The following POLR2F variants were observed in gnomAD, a reference collection of about 807,000 sequenced individuals.
The protein encoded by POLR2F is RNA polymerase II, I and III subunit F.
In POLR2F, 12 loss-of-function variants were observed where a neutral mutation model predicts 22.7. The observed-to-expected ratio is 0.53, with a 90% CI of 0.34 to 0.86. The LOEUF (loss-of-function observed/expected upper bound fraction) is 0.86, where lower values mean the gene tolerates loss of function less well. Among genes scored for constraint, POLR2F ranks in the 40% least tolerant of loss-of-function variants. The pLI is 0.02. For missense variants in POLR2F, 126 were observed against 171.5 expected (o/e 0.73, Z 1.48); for synonymous variants, 57 against 66.0 (o/e 0.86, Z 0.66).
chr22:38,008,460 G>A (rs1255872510), intron 1 of POLR2F, among the ~76,000 whole-genome samples: 2 of 151,458 alleles, frequency 1.3e-5, no homozygotes, highest in East Asian at 1.9e-4. Flanking sequence ...CAGGAGAATC[G>A]CTTGAACCTG....
In POLR2F at chr22:37,968,997, C is replaced by T. The variant is rs572488829; in HGVS notation, c.*1282C>T. ...TGCTGAAATTTCAGCTCTGAAATGC[C>T]GCCTTTGTGCTGGCATCCAGGCAGC... On this transcript the variant is annotated 3_prime_UTR_variant, in exon 5 of 5. Coordinates refer to ENST00000442738, the MANE Select transcript of POLR2F (RefSeq NM_021974.5). 1.0e-5 allele frequency: 10 copies of T among 985,476 alleles called. No individual in the cohort carries two copies. In the African/African-American group the frequency reaches 1.4e-4, roughly 14 times the overall value. 61.0% of individuals were successfully genotyped at this position (985,476 alleles called of 1,614,324 possible).
At chr22:38,002,131 C>T (rs57246004) in intron 1 of POLR2F, among the ~76,000 whole-genome samples, 3,795 of 151,356 alleles carry the variant, frequency 0.025, 158 homozygotes, top group African/African-American at 0.087. Context: ...ATTACATGCG[C>T]GAGCCAGCAC....
At chr22:38,020,988 G>C (rs1443990408) in intron 1 of POLR2F, among the ~76,000 whole-genome samples, 9 of 152,182 alleles carry the variant, frequency 5.9e-5, no homozygotes, top group Non-Finnish European at 2.9e-5. Context: ...GCTCTTTTGC[G>C]GTTACTCCTG....
rs149525801 is a variant in POLR2F at position 38,001,412 on chromosome 22, A to C, written c.120+15100A>C. On this transcript the variant is annotated intron_variant, in intron 1 of 2. Transcript: ENST00000333418. ...GTGAGTTGCATCATATTAGATTCAG[A>C]GAGATTAAAGATAGATTTTTAGGGG... Among the ~76,000 whole-genome samples the C allele has an allele frequency of 5.4e-4, 83 of 152,354 alleles. No individual in the cohort carries two copies. The East Asian group carries it at 0.015, about 27-fold the overall frequency.
At chr22:37,959,792 G>T (rs1328098351) in intron 3 of POLR2F, among the ~76,000 whole-genome samples, 2 of 149,374 alleles carry the variant, frequency 1.3e-5, no homozygotes, top group African/African-American at 4.9e-5. Context: ...GAGCCAATGT[G>T]TACCAGTGTA....
intron 1 of POLR2F, among the ~76,000 whole-genome samples, chr22:38,011,916 T>C (rs895715521): frequency 6.6e-6 from 1 of 152,066 alleles, no homozygotes; most frequent in Non-Finnish European, 1.5e-5. Context: ...GCTCTGCATT[T>C]AGTTATGTCT....
At chr22:38,018,752 C>G (rs2084935155) in intron 1 of POLR2F, among the ~76,000 whole-genome samples, 1 of 152,154 alleles carries the variant, frequency 6.6e-6, no homozygotes, top group South Asian at 2.1e-4. Flanking sequence ...CAGGCAGCAC[C>G]AGGATGTGCT....
rs1374620008 is a variant in POLR2F at position 37,986,889 on chromosome 22, G to T, written c.120+577G>T. The T allele has an allele frequency of 4.4e-6, 2 of 451,290 alleles. No individual in the cohort carries two copies. The highest frequency in any genetic ancestry group is 9.0e-6 in the Non-Finnish European group (2 of 223,042). The allele number at this position is 451,290 out of a possible 1,614,324, so 28.0% of individuals were successfully genotyped here. On this transcript the variant is annotated intron_variant, in intron 1 of 2. Transcript: ENST00000333418. The surrounding 1 kb of genome is among the most constrained non-coding windows in gnomAD (Gnocchi z 4.7). ...CCCATAGTCATTCCTGAAGAGCAGG[G>T]AGCTTGGAGAGGGGAGGGATCCTGG...
chr22:38,018,241 C>G (rs761933773), intron 1 of POLR2F, among the ~76,000 whole-genome samples: 3 of 152,116 alleles, frequency 2.0e-5, no homozygotes, highest in Non-Finnish European at 4.4e-5. Flanking sequence ...TAGGCTTGAG[C>G]CAGGTTAAGG....
rs779836065 is a variant in POLR2F, at chr22:37,977,997, C to G, written c.293+10827C>G. 3 of 1,611,894 alleles carry G rather than the reference C, an allele frequency of 1.9e-6. No individual in the cohort carries two copies. In the South Asian group the frequency reaches 3.3e-5, roughly 18 times the overall value. On this transcript the variant is annotated intron_variant, in intron 4 of 4. Coordinates refer to the POLR2F transcript ENST00000405557. ...CTTGCTCGGCCTCCCCACCGGGGCA[C>G]TCCGCCTCGCCCTGGGCGGCCTTCC...
chr22:38,026,750 G>A, downstream of POLR2F: 1 of 185,228 alleles, frequency 5.4e-6, no homozygotes, highest in Non-Finnish European at 1.1e-5. Context: ...CAGGCTGCTG[G>A]GGAGGGGACG....
rs890693179 is a variant in POLR2F at position 37,986,652 on chromosome 22, G to A, written c.120+340G>A. On this transcript the variant is annotated intron_variant, in intron 1 of 2. Transcript: ENST00000333418. This position sits in a 1 kb window ranked among gnomAD's most constrained non-coding sequence, Gnocchi z 4.7. ...GCACAGACACTGCCTTCCTCTCAGG[G>A]CTGTGCTGGGCTTTTTGCTGAGCAG... 1 of 607,996 alleles carries A rather than the reference G, an allele frequency of 1.6e-6. No homozygotes were observed. The highest frequency in any genetic ancestry group is 1.5e-5 in the South Asian group (1 of 65,750). 37.7% of individuals were successfully genotyped at this position (607,996 alleles called of 1,614,324 possible). A position where few individuals can be genotyped will look rare whatever the true frequency, so the allele number is the denominator to read the frequency against.
intron 1 of POLR2F, chr22:37,988,143 G>GT (rs1932635409): frequency 6.9e-6 from 1 of 145,102 alleles, no homozygotes; most frequent in South Asian, 2.2e-4. Context: ...CCAACATGGT[G>GT]AAACCTTGTC....
In POLR2F at chr22:37,966,974, T is replaced by G. The variant is rs575889596; in HGVS notation, c.222-125T>G. 7.4e-6 allele frequency: 5 copies of G among 671,254 alleles called. No homozygotes were observed. The South Asian group carries it at 9.1e-5, about 12-fold the overall frequency. 41.6% of individuals were successfully genotyped at this position (671,254 alleles called of 1,614,324 possible). On this transcript the variant is annotated intron_variant, in intron 3 of 4. Coordinates refer to ENST00000442738, the MANE Select transcript of POLR2F (RefSeq NM_021974.5). ...AGTGCCCCTACACACCACTCCCTAC[T>G]GTGCCTGCCTACCTAGAAGATGACG...
intron 1 of POLR2F, among the ~76,000 whole-genome samples, chr22:37,955,833 C>T (rs901834439): frequency 6.6e-6 from 1 of 151,674 alleles, no homozygotes; most frequent in African/African-American, 2.4e-5. Context: ...CAGGCGCCCA[C>T]CACCACACCC....
intron 4 of POLR2F, chr22:37,977,805 A>T (rs576922858): frequency 1.3e-6 from 2 of 1,540,642 alleles, no homozygotes; most frequent in South Asian, 2.4e-5. Context: ...ATTGCCATCC[A>T]GCCATCTCCT....
In POLR2F at chr22:37,977,985, C is replaced by T. The variant is rs757417870; in HGVS notation, c.293+10815C>T. ...CGGCGGTCCCACCTTGCTCGGCCTC[C>T]CCACCGGGGCACTCCGCCTCGCCCT... On this transcript the variant is annotated intron_variant, in intron 4 of 4. Transcript: ENST00000405557. The T allele has an allele frequency of 1.2e-6, 2 of 1,611,960 alleles. No homozygotes were observed. The highest frequency in any genetic ancestry group is 2.2e-5 in the East Asian group (1 of 44,872).
chr22:37,972,246 T>C, downstream of POLR2F: 1 of 1,302,040 alleles, frequency 7.7e-7, no homozygotes, highest in South Asian at 1.2e-5. Context: ...CCAGAAAGCA[T>C]TTGAGGAAGC....
chr22:37,972,327 A>AT, downstream of POLR2F: 1 of 952,652 alleles, frequency 1.0e-6, no homozygotes, highest in Non-Finnish European at 1.5e-6. Context: ...GGAACCTTTA[A>AT]TTTTATTATG....
Sources: gnomAD v4.1 joint callset for allele counts (sites outside exome capture counted in the v4.1 genomes callset) on GRCh38, gnomAD v4.1.1 for gene constraint, Gnocchi (gnomAD v3.1) non-coding constraint, MANE v1.5 for transcripts, NCBI Gene and HGNC (gene_info 2026-07-23, HGNC 2026-07-21) for gene names.